SMG7: variants seen among roughly 807,000 people sequenced by gnomAD.
SMG7 encodes nonsense-mediated mRNA decay factor SMG7.
SMG7 carries 34 observed loss-of-function variants against 148.2 expected under a neutral mutation model. The observed-to-expected ratio is 0.23, with a 90% confidence interval of 0.17 to 0.31. SMG7 has a LOEUF of 0.31. Among genes scored for constraint, SMG7 ranks in the 10% least tolerant of loss-of-function variants. The pLI is 1.00. For synonymous variants in SMG7, 492 were observed against 515.1 expected (o/e 0.96, Z 0.61); for missense variants, 1,114 against 1,408.4 (o/e 0.79, Z 3.35).
At chr1:183,508,980 T>G (rs1661571930) in intron 1 of SMG7, among the ~76,000 whole-genome samples, 1 of 152,218 alleles carries the variant, frequency 6.6e-6, no homozygotes, top group African/African-American at 2.4e-5. Context: ...AGTTTTACTT[T>G]TGTTCTTTTC....
At chr1:183,487,979 C>CAGATGGATGAGATACAT (rs1655915279) in intron 1 of SMG7, among the ~76,000 whole-genome samples, 1 of 152,176 alleles carries the variant, frequency 6.6e-6, no homozygotes. Flanking sequence ...CAGAGATACA[C>CAGATGGATGAGATACAT]AGATGGATGA....
rs551097580 is a variant in SMG7 at position 183,482,439 on chromosome 1, T to TA, written c.29+9802dup. Among the ~76,000 whole-genome samples the TA allele has an allele frequency of 3.7e-3, 524 of 142,358 alleles. 1 individual carries two copies. Among genetic ancestry groups the TA allele is most frequent in the South Asian group, 9.3e-3 (42 of 4,524 alleles). 93.4% of individuals were successfully genotyped at this position (142,358 alleles called of 152,430 possible). A position where few individuals can be genotyped will look rare whatever the true frequency, so the allele number is the denominator to read the frequency against. On this transcript the variant is annotated intron_variant, in intron 1 of 22. Coordinates refer to ENST00000688051, the MANE Select transcript of SMG7 (RefSeq NM_001375584.1). ...CTTTTGTAAGTAGCCTCATCTTAGG[T>TA]AAAAAAAAAAAATAGCTATTTGGAA...
At position 183,515,927 on chromosome 1, in the gene SMG7, C is replaced by G. The variant is rs1026467431; in HGVS notation, c.115C>G (p.Leu39Val). The G allele has an allele frequency of 1.2e-6, 2 of 1,613,410 alleles. No individual in the cohort carries two copies. Among genetic ancestry groups the G allele is most frequent in the African/African-American group, 2.7e-5 (2 of 74,848 alleles). The change falls in exon 3 of 23, where the codon CTG becomes GTG. Residue 39 changes from leucine to valine, a missense_variant. Leu to Val is a conservative substitution (Grantham distance 32, BLOSUM62 1). Coordinates refer to ENST00000688051, the MANE Select transcript of SMG7 (RefSeq NM_001375584.1). ...VWTSRQALQD[L>V]YQKMLVTDLE... ...GACATCCAGGCAGGCTCTGCAGGAC[C>G]TGTACCAGAAAATGCTAGTTACCGA...
At chr1:183,525,650 G>A (rs2102565450) in intron 4 of SMG7, among the ~76,000 whole-genome samples, 1 of 152,134 alleles carries the variant, frequency 6.6e-6, no homozygotes, top group East Asian at 1.9e-4. Context: ...ATGAAAGAAT[G>A]GAGAGGTGGG....
At chr1:183,505,580 C>T (rs971953975) in intron 1 of SMG7, among the ~76,000 whole-genome samples, 1 of 152,218 alleles carries the variant, frequency 6.6e-6, no homozygotes, top group Non-Finnish European at 1.5e-5. Flanking sequence ...TATCCCTAGT[C>T]TCAAGTCTCC....
intron 1 of SMG7, among the ~76,000 whole-genome samples, chr1:183,512,209 T>TC (rs2102419535): frequency 6.6e-6 from 1 of 152,204 alleles, no homozygotes; most frequent in East Asian, 1.9e-4. Context: ...AAGGGGTAAA[T>TC]CAAAGGAACA....
At chr1:183,544,866 A>G in intron 15 of SMG7, 64 bp from the exon 16 acceptor site, 2 of 1,537,578 alleles carry the variant, frequency 1.3e-6, no homozygotes, top group South Asian at 1.2e-5. Context: ...TAAAAAAAAA[A>G]TGACTTTTTT....
At position 183,529,401 on chromosome 1, in the gene SMG7, A is replaced by C; in HGVS notation, c.711A>C (p.Arg237=). 6.2e-7 allele frequency: 1 copy of C among 1,610,496 alleles called. No individual in the cohort carries two copies. Among genetic ancestry groups the C allele is most frequent in the Non-Finnish European group, 8.5e-7 (1 of 1,178,786 alleles). ...QKALSKALES[R]DEVKTKWGVS... is the part of the protein sequence containing the mutation. ...GAATTTTTTTCTTTCATTTCAGCCG[A>C]GATGAGGTGAAAACCAAGTGGGGTG... is the stretch of plus-strand genomic sequence containing the variant. The change falls in exon 8 of 23, where the codon CGA becomes CGC. Residue 237 remains arginine (R), a synonymous_variant. Coordinates refer to ENST00000688051, the MANE Select transcript of SMG7 (RefSeq NM_001375584.1).
In SMG7 at chr1:183,502,413, A is replaced by G. The variant is rs1173954787; in HGVS notation, c.30-10424A>G. ...TTAGGTAGGATGAAAATTACAAGGG[A>G]TTTCTACATGTTTTTATTCCTTTTG... On this transcript the variant is annotated intron_variant, in intron 1 of 22. Coordinates refer to ENST00000688051, the MANE Select transcript of SMG7 (RefSeq NM_001375584.1). 4.0e-6 allele frequency: 6 copies of G among 1,517,338 alleles called. No individual in the cohort carries two copies. The East Asian group carries it at 9.8e-5, about 25-fold the overall frequency. 94.0% of individuals were successfully genotyped at this position (1,517,338 alleles called of 1,614,324 possible).
intron 1 of SMG7, among the ~76,000 whole-genome samples, chr1:183,492,250 C>T (rs1657231302): frequency 6.6e-6 from 1 of 152,160 alleles, no homozygotes; most frequent in Admixed American, 6.5e-5. Context: ...AAATTTTCAT[C>T]CAGTTGTTCC....
intron 1 of SMG7, among the ~76,000 whole-genome samples, chr1:183,495,331 C>T (rs1391646023): frequency 1.3e-5 from 2 of 152,246 alleles, no homozygotes; most frequent in South Asian, 4.1e-4. Flanking sequence ...GTTCATTTCT[C>T]ATGTATAATT....
intron 1 of SMG7, among the ~76,000 whole-genome samples, chr1:183,503,311 T>C (rs1417562270): frequency 6.6e-6 from 1 of 152,240 alleles, no homozygotes; most frequent in African/African-American, 2.4e-5. Context: ...TAGTCTGTTA[T>C]CAGTTAGTGT....
At chr1:183,537,420 C>T (rs1667989835) in intron 11 of SMG7, among the ~76,000 whole-genome samples, 1 of 152,152 alleles carries the variant, frequency 6.6e-6, no homozygotes, top group Non-Finnish European at 1.5e-5. Context: ...CATTTAGCAT[C>T]ATTCAAATAG....
chr1:183,489,507 A>G (rs1284881073), intron 1 of SMG7, among the ~76,000 whole-genome samples: 1 of 152,126 alleles, frequency 6.6e-6, no homozygotes, highest in Non-Finnish European at 1.5e-5. Flanking sequence ...CATCGATGAT[A>G]TTGATGTTGA....
At chr1:183,528,314 C>T (rs1264112275) in intron 6 of SMG7, among the ~76,000 whole-genome samples, 1 of 151,946 alleles carries the variant, frequency 6.6e-6, no homozygotes, top group Non-Finnish European at 1.5e-5. Context: ...ACTCTGGCTT[C>T]CTTAATTGCT....
Position 183,547,226 on chromosome 1 carries a change from G to A in SMG7, c.2866G>A (p.Ala956Thr), listed in dbSNP as rs889294734. Residue 956 changes from alanine (A) to threonine (T), a missense_variant, in exon 18 of 23, where the codon GCC (alanine) becomes ACC (threonine). By Grantham distance (58) the Ala-to-Thr change is moderately conservative. Transcript: ENST00000688051. ...TTACCCGGCTCTGCTGGGGCCTCTC[G>A]CCTCTCTTCCTGGACGAAGCCTTTT... ...DLYPALLGPLASLPGRSLFKS... is the reference protein window; with the variant it reads ...DLYPALLGPLTSLPGRSLFKS... The A allele has an allele frequency of 2.4e-5, 37 of 1,549,982 alleles. No homozygotes were observed. Among genetic ancestry groups the A allele is most frequent in the South Asian group, 7.1e-5 (6 of 84,032 alleles).
At chr1:183,517,296 T>G (rs913801880) in intron 3 of SMG7, among the ~76,000 whole-genome samples, 1 of 152,206 alleles carries the variant, frequency 6.6e-6, no homozygotes, top group Non-Finnish European at 1.5e-5. Context: ...CCCATATACA[T>G]GTCACTTGTT....
chr1:183,533,809 G>A lies in SMG7; in HGVS notation c.1140G>A (p.Glu380=). Residue 380 remains glutamate (E), a synonymous_variant, in exon 10 of 23, where the codon GAG becomes GAA. Transcript: ENST00000688051. ...WLRLRPRVFQ[E]AVVDERQYIW... is the part of the protein sequence containing the mutation. ...GACTCAGACCCAGGGTCTTTCAGGAGGCAGTGGTGGATGAAAGACAGTAGT... is the reference window on the plus strand; with the variant it reads ...GACTCAGACCCAGGGTCTTTCAGGAAGCAGTGGTGGATGAAAGACAGTAGT... 6.2e-7 allele frequency: 1 copy of A among 1,611,280 alleles called. No individual in the cohort carries two copies. The highest frequency in any genetic ancestry group is 1.7e-4 in the Middle Eastern group (1 of 6,044).
At chr1:183,536,076 A>G (rs897544046) in intron 10 of SMG7, among the ~76,000 whole-genome samples, 2 of 152,070 alleles carry the variant, frequency 1.3e-5, no homozygotes, top group Admixed American at 1.3e-4. Flanking sequence ...ATTTACGTCC[A>G]GTTTCTCTAT....
Sources: allele counts gnomAD v4.1 joint callset (sites outside exome capture counted in the v4.1 genomes callset), GRCh38; gene constraint gnomAD v4.1.1; transcripts MANE v1.5; gene names NCBI Gene and HGNC (gene_info 2026-07-23, HGNC 2026-07-21).